Variants in CNNM2 observed in about 807,000 individuals in gnomAD.
The protein encoded by CNNM2 is metal transporter CNNM2.
Under a neutral mutation model 66.9 loss-of-function variants are expected in CNNM2, and 12 were observed. That is an observed-to-expected ratio of 0.18 (90% CI 0.11 to 0.29). The LOEUF is 0.29. Ranked by LOEUF, CNNM2 falls within the 10% of genes least tolerant of loss-of-function variation. CNNM2 has a pLI of 1.00. For missense variants in CNNM2, 705 were observed against 1,167.7 expected, an observed-to-expected ratio of 0.60 and a Z score of 5.77; for synonymous variants, 557 against 501.8, an observed-to-expected ratio of 1.11 and a Z score of -1.47.
intron 4 of CNNM2, among the ~76,000 whole-genome samples, chr10:103,066,431 G>C (rs903260957): frequency 6.6e-6 from 1 of 151,954 alleles, no homozygotes; most frequent in Non-Finnish European, 1.5e-5. Context: ...CTTCTCTACC[G>C]CACTCCCTCC....
chr10:103,062,460 A>G (rs1182779778), intron 4 of CNNM2, among the ~76,000 whole-genome samples: 2 of 152,194 alleles, frequency 1.3e-5, no homozygotes, highest in Non-Finnish European at 2.9e-5. Flanking sequence ...TAACACACCC[A>G]TTTTACTTGG....
chr10:103,009,051 C>T (rs1030264161), intron 1 of CNNM2, among the ~76,000 whole-genome samples: 10 of 151,942 alleles, frequency 6.6e-5, no homozygotes, highest in Non-Finnish European at 7.4e-5. Flanking sequence ...CCGAGGCAGG[C>T]GGATGACCTG....
chr10:102,981,018 A>G (rs972662405), intron 1 of CNNM2, among the ~76,000 whole-genome samples: 1 of 152,152 alleles, frequency 6.6e-6, no homozygotes, highest in Non-Finnish European at 1.5e-5. Context: ...CTGGCTCTGT[A>G]CTGCTGTTGC....
intron 1 of CNNM2, among the ~76,000 whole-genome samples, chr10:103,010,056 G>T (rs1329068506): frequency 1.3e-5 from 2 of 151,736 alleles, no homozygotes; most frequent in African/African-American, 4.8e-5. Context: ...TTAGAGAGAT[G>T]GAAATAATTA....
At chr10:102,927,555 T>C in intron 1 of CNNM2, 1 of 1,173,932 alleles carries the variant, frequency 8.5e-7, no homozygotes, top group East Asian at 2.6e-5. Context: ...AGGTCAGGAG[T>C]TCCAGACTGA....
chr10:102,945,184 C>T (rs1846571231), intron 1 of CNNM2, among the ~76,000 whole-genome samples: 1 of 152,142 alleles, frequency 6.6e-6, no homozygotes, highest in Non-Finnish European at 1.5e-5. Flanking sequence ...CTATAGTAAC[C>T]TGTTTCTTTT....
chr10:103,026,121 A>C (rs960867168), intron 1 of CNNM2, among the ~76,000 whole-genome samples: 2 of 152,212 alleles, frequency 1.3e-5, no homozygotes, highest in Admixed American at 1.3e-4. Flanking sequence ...TGGGCCCCTC[A>C]ATCTTGCACT....
intron 1 of CNNM2, among the ~76,000 whole-genome samples, chr10:103,019,323 CATTGT>C (rs1208979374): frequency 1.8e-4 from 27 of 150,220 alleles, no homozygotes. Context: ...GGCTAAGAAT[CATTGT>C]ATTTAGCAAA....
chr10:103,052,297 A>AC (rs1044923901), intron 2 of CNNM2, among the ~76,000 whole-genome samples: 5 of 151,608 alleles, frequency 3.3e-5, no homozygotes, highest in African/African-American at 1.2e-4. Context: ...AAAACAAAAA[A>AC]AAAAAAACCC....
At chr10:102,948,014 C>T (rs1300741113) in intron 1 of CNNM2, among the ~76,000 whole-genome samples, 1 of 152,150 alleles carries the variant, frequency 6.6e-6, no homozygotes, top group African/African-American at 2.4e-5. Flanking sequence ...GATTGCACCA[C>T]TACACTCCAG....
intron 4 of CNNM2, among the ~76,000 whole-genome samples, chr10:103,057,986 G>A (rs1014352901): frequency 1.3e-5 from 2 of 152,180 alleles, no homozygotes; most frequent in Admixed American, 1.3e-4. Context: ...GATATTAGTC[G>A]ATAAAATGCT....
chr10:102,984,617 A>T (rs1251105681), intron 1 of CNNM2, among the ~76,000 whole-genome samples: 3 of 152,188 alleles, frequency 2.0e-5, no homozygotes, highest in African/African-American at 7.2e-5. Flanking sequence ...TTGACAATCT[A>T]AGCCTAGATT....
intron 1 of CNNM2, among the ~76,000 whole-genome samples, chr10:103,006,477 A>G (rs988668806): frequency 6.6e-6 from 1 of 152,132 alleles, no homozygotes; most frequent in African/African-American, 2.4e-5. Flanking sequence ...AAGTGCTGGG[A>G]TTACAGGTGT....
chr10:102,990,880 C>T (rs2063886636), intron 1 of CNNM2, among the ~76,000 whole-genome samples: 1 of 152,250 alleles, frequency 6.6e-6, no homozygotes, highest in Admixed American at 6.5e-5. Context: ...TTCTTTTACC[C>T]CCTGTTCCTC....
At chr10:103,021,532 G>A (rs1175710617) in intron 1 of CNNM2, among the ~76,000 whole-genome samples, 1 of 152,142 alleles carries the variant, frequency 6.6e-6, no homozygotes, top group Non-Finnish European at 1.5e-5. Flanking sequence ...AGGGGGAGGA[G>A]TGGTCTTACC....
At chr10:102,969,768 C>T (rs1252474176) in intron 1 of CNNM2, among the ~76,000 whole-genome samples, 1 of 151,940 alleles carries the variant, frequency 6.6e-6, no homozygotes, top group Admixed American at 6.6e-5. Flanking sequence ...CTCAGCCTCC[C>T]GAGTAGCTGG....
Position 103,068,666 on chromosome 10 carries a change from A to C in CNNM2, c.2111A>C (p.Lys704Thr). 6.2e-7 allele frequency: 1 copy of C among 1,613,214 alleles called. No homozygotes were observed. Among genetic ancestry groups the C allele is most frequent in the East Asian group, 2.2e-5 (1 of 44,862 alleles). Residue 704 changes from lysine (K) to threonine (T), a missense_variant, in exon 5 of 8, where the codon AAG becomes ACG. Around this residue, in one of 9 missense-constraint regions of CNNM2, gnomAD observed 194 missense variants for 227.6 expected, o/e 0.85. Coordinates refer to ENST00000369878, the MANE Select transcript of CNNM2 (RefSeq NM_017649.5). Reference sequence around the variant, plus strand: ...GTTGAAGCTGGGAAAGAAGGTATGAAGTTTGAAGCGAGCGCCTTCTCATAC... The same window carrying C: ...GTTGAAGCTGGGAAAGAAGGTATGACGTTTGAAGCGAGCGCCTTCTCATAC... Reference protein sequence around the residue: ...VEVEAGKEGMKFEASAFSYYG... With the variant: ...VEVEAGKEGMTFEASAFSYYG...
At chr10:102,935,937 G>A (rs1405518723) in intron 1 of CNNM2, among the ~76,000 whole-genome samples, 2 of 151,558 alleles carry the variant, frequency 1.3e-5, no homozygotes, top group East Asian at 3.9e-4. Flanking sequence ...AATCCTTGAG[G>A]TTTTTGGGTT....
chr10:103,055,824 G>A (rs575525553), intron 3 of CNNM2, among the ~76,000 whole-genome samples: 2 of 152,220 alleles, frequency 1.3e-5, no homozygotes, highest in East Asian at 3.9e-4. Context: ...ATCTAGGCCG[G>A]GCATGGTGGC....
Sources: gnomAD v4.1 joint callset for allele counts (sites outside exome capture counted in the v4.1 genomes callset) on GRCh38, gnomAD v4.1.1 for gene constraint, gnomAD v4.1.1 regional missense constraint, MANE v1.5 for transcripts, NCBI Gene and HGNC (gene_info 2026-07-23, HGNC 2026-07-21) for gene names.